RB1CC1: variants seen among roughly 807,000 people sequenced by gnomAD.
RB1CC1 encodes RB1 inducible coiled-coil 1.
In RB1CC1, 46 loss-of-function variants were observed where a neutral mutation model predicts 177.5. The observed-to-expected ratio is 0.26, with a 90% CI of 0.20 to 0.33. The LOEUF is 0.33. RB1CC1 is among the 10% of genes least tolerant of loss of function. The probability of loss-of-function intolerance (pLI) is 1.00; values close to 1 mark genes in which losing one functional copy is unlikely to be tolerated. For missense variants in RB1CC1, 1,703 were observed against 1,816.3 expected (o/e 0.94, Z 1.13); for synonymous variants, 666 against 613.6 (o/e 1.09, Z -1.26).
chr8:52,672,134 T>C (rs1158642643), intron 7 of RB1CC1, among the ~76,000 whole-genome samples: 2 of 152,156 alleles, frequency 1.3e-5, no homozygotes, highest in Admixed American at 1.3e-4. Context: ...GGTATAAATA[T>C]TTCTGACATT....
chr8:52,653,514 G>A, intron 15 of RB1CC1, among the ~76,000 whole-genome samples: 1 of 152,150 alleles, frequency 6.6e-6, no homozygotes, highest in East Asian at 1.9e-4. Context: ...TCTAGATCTA[G>A]TATTCAGAGG....
chr8:52,691,842 G>A (rs1457862658), intron 1 of RB1CC1, among the ~76,000 whole-genome samples: 2 of 152,150 alleles, frequency 1.3e-5, no homozygotes, highest in Non-Finnish European at 2.9e-5. Flanking sequence ...GAAATGTGAC[G>A]CTCATTGCTT....
Position 52,654,040 on chromosome 8 carries a change from C to T in RB1CC1, c.3821+1968G>A, listed in dbSNP as rs1262942340. Reference sequence around the variant, plus strand: ...ACGACACAGGGGAGGGAGGTTTCTACCATGTTCTTATTCAACATTAAGTAT... The same window carrying T: ...ACGACACAGGGGAGGGAGGTTTCTATCATGTTCTTATTCAACATTAAGTAT... On this transcript the variant is annotated intron_variant, in intron 15 of 23. Transcript: ENST00000025008. 2.6e-5 allele frequency among the ~76,000 whole-genome samples: 4 copies of T among 152,252 alleles called. No individual in the cohort carries two copies. The East Asian group carries it at 7.7e-4, about 29-fold the overall frequency.
At chr8:52,680,669 AT>A (rs1317875476) in intron 5 of RB1CC1, among the ~76,000 whole-genome samples, 1 of 152,148 alleles carries the variant, frequency 6.6e-6, no homozygotes, top group Non-Finnish European at 1.5e-5. Flanking sequence ...AGCAGAACAG[AT>A]TTAAAAAAAA....
intron 8 of RB1CC1, among the ~76,000 whole-genome samples, chr8:52,664,284 C>CTA (rs1046852292): frequency 1.3e-5 from 2 of 152,096 alleles, no homozygotes; most frequent in African/African-American, 2.4e-5. Context: ...ACCTTGGGGT[C>CTA]TATATTTCTG....
At chr8:52,707,423 T>G (rs1372975871) in intron 1 of RB1CC1, among the ~76,000 whole-genome samples, 1 of 134,918 alleles carries the variant, frequency 7.4e-6, no homozygotes, top group Non-Finnish European at 1.6e-5. Context: ...CTTTTCTTTT[T>G]CTTTCTTTCT....
chr8:52,698,587 CA>C (rs1184437763), intron 1 of RB1CC1, among the ~76,000 whole-genome samples: 1 of 150,196 alleles, frequency 6.7e-6, no homozygotes, highest in Non-Finnish European at 1.5e-5. Flanking sequence ...GCTGGGATTA[CA>C]GGTGTGAGCC....
rs1849972448 is a variant in RB1CC1, at chr8:52,645,856, T to C, written c.3833A>G (p.Asp1278Gly). Residue 1278 changes from aspartate (D) to glycine (G), a missense_variant, in exon 16 of 24, where the codon GAC becomes GGC. Coordinates refer to ENST00000025008, the MANE Select transcript of RB1CC1 (RefSeq NM_014781.5). Reference sequence around the variant, plus strand: ...GCTTGAAGAATCTCCTCTGGTAGAGTCAATGGCAGGACTTACAAATTAAAT... The same window carrying C: ...GCTTGAAGAATCTCCTCTGGTAGAGCCAATGGCAGGACTTACAAATTAAAT... Reference protein sequence around the residue: ...ENQIAKSPAIDSTRGDSSSLV... With the variant: ...ENQIAKSPAIGSTRGDSSSLV... 6.3e-7 allele frequency: 1 copy of C among 1,594,384 alleles called. No homozygotes were observed. Among genetic ancestry groups the C allele is most frequent in the Non-Finnish European group, 8.5e-7 (1 of 1,175,198 alleles).
At chr8:52,679,691 T>C (rs776388724) in intron 5 of RB1CC1, among the ~76,000 whole-genome samples, 32 of 152,180 alleles carry the variant, frequency 2.1e-4, no homozygotes, top group Non-Finnish European at 3.4e-4. Context: ...TCTAAATTGA[T>C]TGTGACCTGT....
chr8:52,699,826 AAAAAATATATATATAT>A (rs1855861518), intron 1 of RB1CC1, among the ~76,000 whole-genome samples: 2 of 80,902 alleles, frequency 2.5e-5, no homozygotes, highest in South Asian at 6.0e-4. Context: ...AAAAAAAAAA[AAAAAATATATATATAT>A]ATATATATAT....
chr8:52,685,096 G>A (rs879385438), intron 3 of RB1CC1, among the ~76,000 whole-genome samples: 11 of 150,446 alleles, frequency 7.3e-5, no homozygotes, highest in South Asian at 2.1e-4. Flanking sequence ...TCTGCCCCCC[G>A]GGGTTCAAGT....
chr8:52,667,960 T>G lies in RB1CC1; in HGVS notation c.1173+61A>C, dbSNP rs951299993. The G allele has an allele frequency of 3.3e-6, 5 of 1,523,946 alleles. No individual in the cohort carries two copies. In the African/African-American group the frequency reaches 7.0e-5, roughly 21 times the overall value. The allele number at this position is 1,523,946 out of a possible 1,614,324, so 94.4% of individuals were successfully genotyped here. ...GTGCACACCAAATTGATACTGCATATAAAACATGTGTACAAAAAAACTATA... is the reference window on the plus strand; with the variant it reads ...GTGCACACCAAATTGATACTGCATAGAAAACATGTGTACAAAAAAACTATA... On this transcript the variant is annotated intron_variant, in intron 8 of 23. Transcript: ENST00000025008.
At position 52,673,940 on chromosome 8, in the gene RB1CC1, A is replaced by G. The variant is rs772801563; in HGVS notation, c.907T>C (p.Phe303Leu). Residue 303 changes from phenylalanine (F) to leucine (L), a missense_variant, in exon 7 of 24, where the codon TTT becomes CTT. By Grantham distance (22) the Phe-to-Leu change is conservative (BLOSUM62 0). Transcript: ENST00000025008. ...TIDTKDGDLPFFNVSLLDWIN... is the reference protein window; with the variant it reads ...TIDTKDGDLPLFNVSLLDWIN... ...CAGTCTAACAAAGAGACATTAAAAA[A>G]GGGCAGATCACCATCTTTAGTGTCA... The G allele has an allele frequency of 1.9e-6, 3 of 1,614,000 alleles. No individual in the cohort carries two copies. The highest frequency in any genetic ancestry group is 2.5e-6 in the Non-Finnish European group (3 of 1,179,978).
chr8:52,638,298 G>C (rs1188581427), intron 18 of RB1CC1, among the ~76,000 whole-genome samples: 1 of 152,068 alleles, frequency 6.6e-6, no homozygotes, highest in Non-Finnish European at 1.5e-5. Flanking sequence ...TTGACTTTTA[G>C]ATGTTAAACC....
chr8:52,651,340 C>T (rs1400246713), intron 15 of RB1CC1, among the ~76,000 whole-genome samples: 1 of 152,202 alleles, frequency 6.6e-6, no homozygotes, highest in African/African-American at 2.4e-5. Flanking sequence ...TTGCGGAACA[C>T]AGCCAAAACC....
chr8:52,710,973 A>G (rs1006179044), intron 1 of RB1CC1, among the ~76,000 whole-genome samples: 2 of 152,216 alleles, frequency 1.3e-5, no homozygotes, highest in African/African-American at 4.8e-5. Flanking sequence ...AATGTGAAGG[A>G]AAAATGAGTG....
intron 5 of RB1CC1, among the ~76,000 whole-genome samples, chr8:52,679,867 C>G (rs930855199): frequency 5.9e-5 from 9 of 151,822 alleles, no homozygotes; most frequent in Non-Finnish European, 1.0e-4. Flanking sequence ...TACATACTTG[C>G]AAAAAGCCAA....
chr8:52,645,995 CCT>C, intron 15 of RB1CC1, 128 bp from the exon 16 acceptor site: 1 of 890,094 alleles, frequency 1.1e-6, no homozygotes, highest in Non-Finnish European at 1.7e-6. Flanking sequence ...CTGTGTGAAC[CCT>C]CTCTTTGAAT....
At chr8:52,669,640 C>T (rs953969710) in intron 7 of RB1CC1, among the ~76,000 whole-genome samples, 3 of 152,178 alleles carry the variant, frequency 2.0e-5, no homozygotes, top group South Asian at 2.1e-4. Context: ...GCTACTTGTA[C>T]ATTTGTGAAC....
Sources: gnomAD v4.1 joint callset for allele counts (sites outside exome capture counted in the v4.1 genomes callset) on GRCh38, gnomAD v4.1.1 for gene constraint, MANE v1.5 for transcripts, NCBI Gene and HGNC (gene_info 2026-07-23, HGNC 2026-07-21) for gene names.